The following NAALADL2 variants were observed in gnomAD, a reference collection of about 807,000 sequenced individuals.
The protein encoded by NAALADL2 is N-acetylated alpha-linked acidic dipeptidase like 2.
A neutral mutation model predicts 87.2 loss-of-function variants in NAALADL2; 76 were observed. The observed-to-expected ratio is 0.87, with a 90% confidence interval of 0.72 to 1.05. The LOEUF is 1.05. NAALADL2 is among the 50% of genes least tolerant of loss of function. The pLI is 0.00. For missense variants in NAALADL2, 1,089 were observed against 945.8 expected (o/e 1.15, Z -1.99); for synonymous variants, 354 against 331.0 (o/e 1.07, Z -0.75).
In NAALADL2 at chr3:174,975,853, A is replaced by G. The variant is rs574342632; in HGVS notation, c.43+116403A>G. Among the ~76,000 whole-genome samples, 15 of 152,308 alleles carry G rather than the reference A, an allele frequency of 9.8e-5. No individual in the cohort carries two copies. In the South Asian group the frequency reaches 1.7e-3, roughly 17 times the overall value. On this transcript the variant is annotated intron_variant, in intron 1 of 13. Transcript: ENST00000454872. ...AACCACAAGGAACTAAATTCTGCCA[A>G]TAAGCTGAATGAGCTTAGAAGAGGA...
At chr3:175,607,149 A>C (rs577491594) in intron 10 of NAALADL2, among the ~76,000 whole-genome samples, 16 of 152,294 alleles carry the variant, frequency 1.1e-4, no homozygotes, top group African/African-American at 3.6e-4. Flanking sequence ...TTTTCAGATG[A>C]GTGTTCCATT....
At chr3:175,343,624 T>G (rs1762791543) in intron 5 of NAALADL2, among the ~76,000 whole-genome samples, 1 of 149,334 alleles carries the variant, frequency 6.7e-6, no homozygotes, top group Admixed American at 6.8e-5. Context: ...CTTCTACGGG[T>G]CTGCCTGGAG....
intron 2 of NAALADL2, among the ~76,000 whole-genome samples, chr3:175,169,126 T>G (rs1200669450): frequency 6.6e-6 from 1 of 151,752 alleles, no homozygotes; most frequent in Non-Finnish European, 1.5e-5. Flanking sequence ...CTACTGAAGA[T>G]TTTTAGAATA....
chr3:175,244,293 T>C (rs1363703260), intron 3 of NAALADL2, among the ~76,000 whole-genome samples: 1 of 152,218 alleles, frequency 6.6e-6, no homozygotes, highest in Non-Finnish European at 1.5e-5. Context: ...GTAATATATA[T>C]GGAGTAAGGC....
intron 1 of NAALADL2, among the ~76,000 whole-genome samples, chr3:175,091,606 C>T (rs73176733): frequency 0.21 from 31,848 of 151,820 alleles, 3,659 homozygotes; most frequent in Non-Finnish European, 0.27. Flanking sequence ...ACATTACAGT[C>T]AATGAATCAA....
chr3:174,725,943 G>A (rs959868206), intron 2 of NAALADL2, among the ~76,000 whole-genome samples: 1 of 152,136 alleles, frequency 6.6e-6, no homozygotes, highest in Non-Finnish European at 1.5e-5. Context: ...AGGAGCAAGT[G>A]AATTGTTGTA....
chr3:175,206,311 T>C (rs532345864), intron 2 of NAALADL2, among the ~76,000 whole-genome samples: 34 of 119,000 alleles, frequency 2.9e-4, no homozygotes, highest in South Asian at 1.0e-3. Flanking sequence ...TATATATATA[T>C]ACACATACAT....
chr3:175,669,482 T>G (rs1425104334), intron 11 of NAALADL2, among the ~76,000 whole-genome samples: 1 of 152,092 alleles, frequency 6.6e-6, no homozygotes, highest in East Asian at 1.9e-4. Flanking sequence ...GTTTTCAAAT[T>G]GTTAATCAAA....
intron 1 of NAALADL2, among the ~76,000 whole-genome samples, chr3:174,491,688 G>A (rs1718202574): frequency 6.6e-6 from 1 of 151,992 alleles, no homozygotes; most frequent in Non-Finnish European, 1.5e-5. Context: ...CAACATTGAT[G>A]TCGCATCAAA....
At chr3:175,460,304 GGAATAAT>G in intron 6 of NAALADL2, 1 of 417,744 alleles carries the variant, frequency 2.4e-6, no homozygotes, top group East Asian at 7.1e-5. Flanking sequence ...ATGTGAGTAT[GGAATAAT>G]ATAAAACAAT....
intron 1 of NAALADL2, among the ~76,000 whole-genome samples, chr3:174,986,142 A>G (rs916648747): frequency 1.3e-5 from 2 of 151,424 alleles, no homozygotes; most frequent in Non-Finnish European, 2.9e-5. Context: ...AGCAATCAAG[A>G]TTGCACCTCT....
At chr3:174,754,837 G>C (rs1390031568) in intron 3 of NAALADL2, among the ~76,000 whole-genome samples, 1 of 152,082 alleles carries the variant, frequency 6.6e-6, no homozygotes, top group Non-Finnish European at 1.5e-5. Flanking sequence ...GCAGCTAAAT[G>C]CTTTATATCA....
At chr3:174,720,091 C>G (rs1158166880) in intron 2 of NAALADL2, among the ~76,000 whole-genome samples, 1 of 152,086 alleles carries the variant, frequency 6.6e-6, no homozygotes, top group Non-Finnish European at 1.5e-5. Flanking sequence ...TGACCCACCG[C>G]TCCCTGTCTA....
chr3:174,854,519 T>C (rs1343144210), upstream of NAALADL2, among the ~76,000 whole-genome samples: 2 of 152,108 alleles, frequency 1.3e-5, no homozygotes, highest in African/African-American at 4.8e-5. Flanking sequence ...CATTTCAAAA[T>C]CATTAAGAGT....
intron 9 of NAALADL2, among the ~76,000 whole-genome samples, chr3:175,531,101 C>T (rs933239577): frequency 3.9e-5 from 6 of 152,086 alleles, no homozygotes; most frequent in African/African-American, 7.2e-5. Flanking sequence ...TCATGTGGCC[C>T]GAGTGACTGA....
At chr3:175,188,429 C>T (rs927263477) in intron 2 of NAALADL2, among the ~76,000 whole-genome samples, 4 of 152,134 alleles carry the variant, frequency 2.6e-5, no homozygotes, top group Non-Finnish European at 4.4e-5. Flanking sequence ...GAGTCATGAC[C>T]TCCAGTGCCT....
At chr3:174,991,701 C>T (rs1213266707) in intron 1 of NAALADL2, among the ~76,000 whole-genome samples, 3 of 151,986 alleles carry the variant, frequency 2.0e-5, no homozygotes, top group African/African-American at 7.2e-5. Flanking sequence ...GAATATGGAA[C>T]AGAATATGGA....
intron 3 of NAALADL2, among the ~76,000 whole-genome samples, chr3:175,237,932 A>C (rs1746190375): frequency 6.6e-6 from 1 of 152,184 alleles, no homozygotes; most frequent in Non-Finnish European, 1.5e-5. Context: ...GTATTGAAAG[A>C]GCCAATTTAA....
At chr3:175,727,177 C>A (rs1219837201) in intron 11 of NAALADL2, among the ~76,000 whole-genome samples, 1 of 152,090 alleles carries the variant, frequency 6.6e-6, no homozygotes, top group Non-Finnish European at 1.5e-5. Flanking sequence ...GCAGGGAAGG[C>A]ATGCTCCAGG....
Sources: allele counts gnomAD v4.1 joint callset (sites outside exome capture counted in the v4.1 genomes callset), GRCh38; gene constraint gnomAD v4.1.1; transcripts MANE v1.5; gene names NCBI Gene and HGNC (gene_info 2026-07-23, HGNC 2026-07-21).